The following SHISA6 variants were observed in gnomAD, a reference collection of about 807,000 sequenced individuals.
The protein encoded by SHISA6 is protein shisa-6.
Under a neutral mutation model 47.9 loss-of-function variants are expected in SHISA6, and 22 were observed. The observed-to-expected ratio is 0.46, with a 90% confidence interval of 0.33 to 0.66. The LOEUF (loss-of-function observed/expected upper bound fraction) is 0.66, where lower values mean the gene tolerates loss of function less well. Ranked by LOEUF, SHISA6 falls within the 30% of genes least tolerant of loss-of-function variation. The pLI, the probability that SHISA6 is intolerant of heterozygous loss-of-function variation, is 0.02. For synonymous variants in SHISA6, 388 were observed against 337.8 expected (o/e 1.15, Z -1.63); for missense variants, 680 against 764.6 (o/e 0.89, Z 1.30).
chr17:11,263,729 T>C (rs1908329318), intron 2 of SHISA6, among the ~76,000 whole-genome samples: 1 of 152,176 alleles, frequency 6.6e-6, no homozygotes, highest in African/African-American at 2.4e-5. Context: ...GTGTCTGGGC[T>C]GGATGAGGAC....
chr17:11,402,909 C>T (rs548017758), intron 3 of SHISA6, among the ~76,000 whole-genome samples: 29 of 152,262 alleles, frequency 1.9e-4, no homozygotes, highest in Middle Eastern at 3.4e-3. Context: ...ATAGCTGAAG[C>T]GATGGTAATT....
chr17:11,325,956 G>A (rs1017598482), intron 2 of SHISA6, among the ~76,000 whole-genome samples: 3 of 152,168 alleles, frequency 2.0e-5, no homozygotes, highest in Admixed American at 2.0e-4. Flanking sequence ...CAGTGACTGG[G>A]TGACTCTGCA....
intron 2 of SHISA6, among the ~76,000 whole-genome samples, chr17:11,357,209 TGAAGAA>T (rs888640984): frequency 1.4e-5 from 1 of 71,244 alleles, no homozygotes; most frequent in South Asian, 5.1e-4. Flanking sequence ...AAAAAAAAAA[TGAAGAA>T]GAAGAAGAAG....
intron 3 of SHISA6, among the ~76,000 whole-genome samples, chr17:11,547,580 G>T (rs1012386435): frequency 6.6e-6 from 1 of 152,140 alleles, no homozygotes; most frequent in Non-Finnish European, 1.5e-5. Context: ...CATAGTTAAA[G>T]ACCTTATATT....
At chr17:11,298,463 A>G (rs1407388904) in intron 2 of SHISA6, among the ~76,000 whole-genome samples, 2 of 152,240 alleles carry the variant, frequency 1.3e-5, no homozygotes, top group South Asian at 2.1e-4. Context: ...CCAGGTGAGT[A>G]TACCAAAGAG....
chr17:11,359,405 C>T (rs1181803063), intron 2 of SHISA6, among the ~76,000 whole-genome samples: 2 of 152,178 alleles, frequency 1.3e-5, no homozygotes, highest in African/African-American at 4.8e-5. Context: ...TTCAACAATA[C>T]ATCTCATGGC....
intron 3 of SHISA6, among the ~76,000 whole-genome samples, chr17:11,515,569 C>T (rs1425394095): frequency 1.3e-5 from 2 of 152,050 alleles, no homozygotes; most frequent in Admixed American, 6.6e-5. Flanking sequence ...AAGGTGTGGT[C>T]TCAGCTGGTG....
At chr17:11,409,056 G>C (rs1197886204) in intron 3 of SHISA6, among the ~76,000 whole-genome samples, 9 of 152,012 alleles carry the variant, frequency 5.9e-5, no homozygotes, top group African/African-American at 2.2e-4. Flanking sequence ...AAACTGAAAT[G>C]ATTTTTTCAA....
chr17:11,388,791 TA>T (rs1187518616), intron 3 of SHISA6, among the ~76,000 whole-genome samples: 4 of 2,300 alleles, frequency 1.7e-3, no homozygotes, highest in East Asian at 8.6e-3. Context: ...AACAAAAGTT[TA>T]TATATATATA....
intron 3 of SHISA6, among the ~76,000 whole-genome samples, chr17:11,423,498 T>G (rs1008155216): frequency 6.6e-6 from 1 of 151,860 alleles, no homozygotes; most frequent in Non-Finnish European, 1.5e-5. Flanking sequence ...AGTCTGATTT[T>G]TATACTGTCA....
chr17:11,544,961 CAAAAAAA>C (rs374571214), intron 3 of SHISA6, among the ~76,000 whole-genome samples: 14 of 62,672 alleles, frequency 2.2e-4, no homozygotes, highest in Admixed American at 9.4e-4. Flanking sequence ...ACTCTCTCTC[CAAAAAAA>C]AAAAAAAAAA....
At chr17:11,353,019 T>C (rs1168289811) in intron 2 of SHISA6, among the ~76,000 whole-genome samples, 1 of 152,204 alleles carries the variant, frequency 6.6e-6, no homozygotes, top group Non-Finnish European at 1.5e-5. Context: ...AAAGGCACTA[T>C]CCTCATGTTT....
intron 2 of SHISA6, among the ~76,000 whole-genome samples, chr17:11,311,011 G>A (rs1351487568): frequency 2.6e-5 from 4 of 151,530 alleles, no homozygotes; most frequent in Middle Eastern, 3.2e-3. Flanking sequence ...GGAGGCTAAG[G>A]CAGGAGAATG....
intron 2 of SHISA6, among the ~76,000 whole-genome samples, chr17:11,352,802 G>T (rs561455056): frequency 3.9e-5 from 6 of 152,236 alleles, no homozygotes; most frequent in Non-Finnish European, 8.8e-5. Context: ...GTTGCAAACA[G>T]AATGGCCCCC....
intron 3 of SHISA6, among the ~76,000 whole-genome samples, chr17:11,389,103 A>C (rs1597488908): frequency 6.6e-6 from 1 of 151,976 alleles, no homozygotes; most frequent in East Asian, 2.0e-4. Flanking sequence ...AGCACTAAGC[A>C]CTCAAGCATG....
intron 2 of SHISA6, among the ~76,000 whole-genome samples, chr17:11,321,025 C>T (rs560137216): frequency 5.3e-5 from 8 of 152,254 alleles, no homozygotes; most frequent in African/African-American, 1.9e-4. Context: ...TAAATACCTA[C>T]TTAATATCAC....
At chr17:11,346,105 A>G (rs1465824624) in intron 2 of SHISA6, among the ~76,000 whole-genome samples, 1 of 152,154 alleles carries the variant, frequency 6.6e-6, no homozygotes, top group African/African-American at 2.4e-5. Flanking sequence ...TGCTCTTTGC[A>G]AGATGAGGAT....
chr17:11,412,604 C>G (rs920882297), intron 3 of SHISA6, among the ~76,000 whole-genome samples: 2 of 151,580 alleles, frequency 1.3e-5, no homozygotes, highest in East Asian at 3.9e-4. Flanking sequence ...TGCAGTGGCG[C>G]GATCTTGGCT....
intron 3 of SHISA6, among the ~76,000 whole-genome samples, chr17:11,483,984 C>A (rs1354755333): frequency 1.3e-5 from 2 of 151,300 alleles, no homozygotes; most frequent in Admixed American, 1.3e-4. Context: ...AATTGAAAGA[C>A]TAAAGAAAGC....
Sources: allele counts gnomAD v4.1 joint callset (sites outside exome capture counted in the v4.1 genomes callset), GRCh38; gene constraint gnomAD v4.1.1; transcripts MANE v1.5; gene names NCBI Gene and HGNC (gene_info 2026-07-23, HGNC 2026-07-21).